DLGAP1: variants seen among roughly 807,000 people sequenced by gnomAD.
The protein encoded by DLGAP1 is DLG associated protein 1, also known as disks large-associated protein 1.
In DLGAP1, 11 loss-of-function variants were observed where a neutral mutation model predicts 90.8. The observed-to-expected ratio is 0.12, with a 90% CI of 0.08 to 0.20. The LOEUF is 0.20. Ranked by LOEUF, DLGAP1 falls within the 10% of genes least tolerant of loss-of-function variation. The pLI is 1.00. For synonymous variants in DLGAP1, 558 were observed against 540.7 expected (o/e 1.03, Z -0.44); for missense variants, 1,050 against 1,333.8 (o/e 0.79, Z 3.31).
intron 1 of DLGAP1, among the ~76,000 whole-genome samples, chr18:4,334,276 C>G (rs1424650769): frequency 6.6e-6 from 1 of 151,728 alleles, no homozygotes; most frequent in Non-Finnish European, 1.5e-5. Context: ...ACGCTCACCT[C>G]AGTCTATTTC....
intron 2 of DLGAP1, among the ~76,000 whole-genome samples, chr18:4,025,492 A>G (rs192741017): frequency 2.6e-5 from 4 of 152,318 alleles, no homozygotes; most frequent in African/African-American, 9.6e-5. Flanking sequence ...CTCAACCTGT[A>G]TAACCATTTT....
At chr18:4,393,685 C>T (rs2082382338) in intron 1 of DLGAP1, among the ~76,000 whole-genome samples, 1 of 152,186 alleles carries the variant, frequency 6.6e-6, no homozygotes, top group Non-Finnish European at 1.5e-5. Flanking sequence ...CTTTTACTCA[C>T]CTGGAGTCTC....
At chr18:3,874,754 T>C in intron 4 of DLGAP1, 1 of 1,493,700 alleles carries the variant, frequency 6.7e-7, no homozygotes, top group Non-Finnish European at 8.9e-7. Context: ...AGCGGTACAA[T>C]AGTTCTAAAC....
intron 1 of DLGAP1, among the ~76,000 whole-genome samples, chr18:4,398,989 G>T (rs1316281349): frequency 6.6e-6 from 1 of 152,032 alleles, no homozygotes; most frequent in Admixed American, 6.6e-5. Context: ...GCACCACTAC[G>T]CCTGGTTAAT....
At chr18:4,255,400 T>C (rs1261790095) in intron 1 of DLGAP1, among the ~76,000 whole-genome samples, 3 of 151,976 alleles carry the variant, frequency 2.0e-5, no homozygotes, top group Admixed American at 2.0e-4. Flanking sequence ...TCGACTTTCT[T>C]TTAAACTGAC....
intron 9 of DLGAP1, among the ~76,000 whole-genome samples, chr18:3,545,347 C>T (rs2052951887): frequency 6.6e-6 from 1 of 151,776 alleles, no homozygotes; most frequent in South Asian, 2.1e-4. Context: ...TTTTCAAATA[C>T]TTCATACTTT....
At chr18:4,206,992 T>C (rs533420925) in intron 1 of DLGAP1, among the ~76,000 whole-genome samples, 1 of 152,220 alleles carries the variant, frequency 6.6e-6, no homozygotes, top group East Asian at 1.9e-4. Context: ...AGAGAAAGGA[T>C]TGTTGGTAAG....
At chr18:3,739,503 A>C (rs1250646264) in intron 6 of DLGAP1, among the ~76,000 whole-genome samples, 3 of 147,416 alleles carry the variant, frequency 2.0e-5, no homozygotes, top group Non-Finnish European at 4.4e-5. Context: ...GAAAATCATC[A>C]TTCTCAGTAA....
At chr18:3,743,979 A>G (rs1206346329) in intron 5 of DLGAP1, among the ~76,000 whole-genome samples, 2 of 152,160 alleles carry the variant, frequency 1.3e-5, no homozygotes, top group African/African-American at 2.4e-5. Flanking sequence ...GTTTCTTTTC[A>G]CATGGTATTA....
At chr18:4,292,603 T>A (rs2079878758) in intron 1 of DLGAP1, among the ~76,000 whole-genome samples, 1 of 152,190 alleles carries the variant, frequency 6.6e-6, no homozygotes, top group Non-Finnish European at 1.5e-5. Context: ...AGATTGCTCT[T>A]TAATTATGTC....
intron 8 of DLGAP1, 141 bp downstream of exon 8, chr18:3,581,734 A>G (rs2055531366): frequency 2.0e-6 from 2 of 1,014,854 alleles, no homozygotes; most frequent in Non-Finnish European, 1.5e-6. Context: ...CGGAGTCCAC[A>G]GCCAATCACT....
At chr18:4,233,798 AT>A (rs2145072290) in intron 1 of DLGAP1, among the ~76,000 whole-genome samples, 1 of 152,340 alleles carries the variant, frequency 6.6e-6, no homozygotes, top group African/African-American at 2.4e-5. Context: ...TAGGAAACAG[AT>A]AACATCACAG....
intron 4 of DLGAP1, among the ~76,000 whole-genome samples, chr18:3,866,033 G>A (rs1304828096): frequency 1.3e-5 from 2 of 152,186 alleles, no homozygotes; most frequent in African/African-American, 4.8e-5. Flanking sequence ...TCCTAAAAAA[G>A]TCAATTCCTC....
At chr18:3,741,073 C>CCATCACCACCACCAT (rs2062933612) in intron 6 of DLGAP1, among the ~76,000 whole-genome samples, 1 of 115,624 alleles carries the variant, frequency 8.6e-6, no homozygotes, top group African/African-American at 3.2e-5. Context: ...ACCACCACCA[C>CCATCACCACCACCAT]CACCACCATC....
chr18:3,657,974 C>T (rs1333273333), intron 7 of DLGAP1, among the ~76,000 whole-genome samples: 1 of 152,164 alleles, frequency 6.6e-6, no homozygotes, highest in Non-Finnish European at 1.5e-5. Context: ...CATGATCAGA[C>T]AATCATTCAT....
intron 2 of DLGAP1, among the ~76,000 whole-genome samples, chr18:4,095,514 C>A (rs1196193333): frequency 6.6e-6 from 1 of 152,058 alleles, no homozygotes; most frequent in African/African-American, 2.4e-5. Context: ...TCTTTTCTTG[C>A]TAACAGGTTA....
intron 7 of DLGAP1, among the ~76,000 whole-genome samples, chr18:3,726,260 T>C (rs1008081387): frequency 1.3e-5 from 2 of 152,322 alleles, no homozygotes; most frequent in Admixed American, 6.5e-5. Context: ...AGCAAAGTCA[T>C]TTCTCAATTT....
chr18:3,538,281 G>C (rs2052491950), intron 9 of DLGAP1, among the ~76,000 whole-genome samples: 2 of 151,318 alleles, frequency 1.3e-5, no homozygotes, highest in Non-Finnish European at 2.9e-5. Flanking sequence ...AGATAAACTA[G>C]CCAAAGTTGA....
At chr18:4,109,700 A>AT (rs2075937529) in intron 2 of DLGAP1, among the ~76,000 whole-genome samples, 1 of 152,120 alleles carries the variant, frequency 6.6e-6, no homozygotes, top group Non-Finnish European at 1.5e-5. Context: ...ACTCCAGCCT[A>AT]TACCAAGTTC....
Sources: allele counts gnomAD v4.1 joint callset (sites outside exome capture counted in the v4.1 genomes callset), GRCh38; gene constraint gnomAD v4.1.1; transcripts MANE v1.5; gene names NCBI Gene and HGNC (gene_info 2026-07-23, HGNC 2026-07-21).